PEX3: variants seen among roughly 807,000 people sequenced by gnomAD.
PEX3 encodes peroxisomal biogenesis factor 3, also known as peroxin-3.
In PEX3, 30 loss-of-function variants were observed where a neutral mutation model predicts 55.8. That is an observed-to-expected ratio of 0.54 (90% CI 0.40 to 0.73). The LOEUF is 0.73. PEX3 is among the 30% of genes least tolerant of loss of function. PEX3 has a pLI of 0.00. For synonymous variants in PEX3, 135 were observed against 148.4 expected, an observed-to-expected ratio of 0.91 and a Z score of 0.66; for missense variants, 351 against 432.8, an observed-to-expected ratio of 0.81 and a Z score of 1.68.
In PEX3 at chr6:143,451,229, C is replaced by A; in HGVS notation, c.73+114C>A. The A allele has an allele frequency of 2.5e-6, 2 of 814,178 alleles. No homozygotes were observed. The highest frequency in any genetic ancestry group is 1.4e-5 in the South Asian group (1 of 73,996). 50.4% of individuals were successfully genotyped at this position (814,178 alleles called of 1,614,324 possible). A position where few individuals can be genotyped will look rare whatever the true frequency, so the allele number is the denominator to read the frequency against. The stretch of plus-strand genomic sequence containing the variant: ...TAGTCTGGGATATGTAGAGGGAGTT[C>A]GATCAACCATGGGATGAAAAGGGAG... On this transcript the variant is annotated intron_variant, in intron 1 of 11. Coordinates refer to ENST00000367591, the MANE Select transcript of PEX3 (RefSeq NM_003630.3). The surrounding 1 kb of genome is among the most constrained non-coding windows in gnomAD (Gnocchi z 4.1).
chr6:143,469,943 A>C (rs1468275441), intron 4 of PEX3, among the ~76,000 whole-genome samples: 1 of 151,984 alleles, frequency 6.6e-6, no homozygotes, highest in East Asian at 1.9e-4. Context: ...TTCAGCTTTT[A>C]TACTTCCTTT....
rs537671831 is a variant in PEX3, at chr6:143,488,895, C to T, written c.1039-248C>T. On this transcript the variant is annotated intron_variant, in intron 11 of 11. Transcript: ENST00000367591. This position sits in a 1 kb window ranked among gnomAD's most constrained non-coding sequence, Gnocchi z 4.9. ...ACATACACCAAAATTCATTTGAAGACTATTTGGGGTTTTTGTCCCTCAAAG... is the reference window on the plus strand; with the variant it reads ...ACATACACCAAAATTCATTTGAAGATTATTTGGGGTTTTTGTCCCTCAAAG... Among the ~76,000 whole-genome samples the T allele has an allele frequency of 6.6e-6, 1 of 152,216 alleles. No individual in the cohort carries two copies. The highest frequency in any genetic ancestry group is 2.4e-5 in the African/African-American group (1 of 41,566).
rs995033164 is a variant in PEX3, at chr6:143,483,528, G to A, written c.942-1624G>A. 5.9e-5 allele frequency among the ~76,000 whole-genome samples: 9 copies of A among 152,216 alleles called. No individual in the cohort carries two copies. The South Asian group carries it at 1.2e-3, about 21-fold the overall frequency. On this transcript the variant is annotated intron_variant, in intron 10 of 11. Transcript: ENST00000367591. The surrounding 1 kb of genome is among the most constrained non-coding windows in gnomAD (Gnocchi z 4.3). ...ACATTTTAAGACTTATAAAGAGGCTGGCATGGTAGCTGAATACATAGAACA... is the reference window on the plus strand; with the variant it reads ...ACATTTTAAGACTTATAAAGAGGCTAGCATGGTAGCTGAATACATAGAACA...
intron 8 of PEX3, 135 bp from the exon 9 acceptor site, chr6:143,474,650 GA>G (rs1383855618): frequency 3.1e-6 from 2 of 653,974 alleles, no homozygotes; most frequent in African/African-American, 3.7e-5. Flanking sequence ...TTTGGTGGGG[GA>G]GGGTCTAACT....
intron 9 of PEX3, among the ~76,000 whole-genome samples, chr6:143,477,311 G>C (rs9403494): frequency 0.22 from 33,017 of 152,042 alleles, 3,701 homozygotes; most frequent in Non-Finnish European, 0.22. Context: ...AACTCCATGA[G>C]ACGAGTAATT....
At chr6:143,468,316 G>T (rs1347557136) in intron 4 of PEX3, 151 bp downstream of exon 4, 5 of 608,452 alleles carry the variant, frequency 8.2e-6, no homozygotes, top group Non-Finnish European at 1.5e-5. Context: ...ATAGATCAAT[G>T]TCTGGTCATA....
chr6:143,470,711 C>A (rs1023140403), intron 4 of PEX3, among the ~76,000 whole-genome samples: 32 of 152,164 alleles, frequency 2.1e-4, no homozygotes, highest in African/African-American at 6.8e-4. Context: ...CCTTTCTAAG[C>A]TAATAGTATA....
In PEX3 at chr6:143,462,565, A is replaced by G. The variant is rs986939019; in HGVS notation, c.206-351A>G. Among the ~76,000 whole-genome samples the G allele has an allele frequency of 6.6e-6, 1 of 152,338 alleles. No individual in the cohort carries two copies. The highest frequency in any genetic ancestry group is 6.5e-5 in the Admixed American group (1 of 15,296). ...TCAGAAGTAAACACTTTTGTAAAAA[A>G]TTTGGAGAGTATGGAAAAGAAAAAA... On this transcript the variant is annotated intron_variant, in intron 2 of 11. Coordinates refer to ENST00000367591, the MANE Select transcript of PEX3 (RefSeq NM_003630.3). This position sits in a 1 kb window ranked among gnomAD's most constrained non-coding sequence, Gnocchi z 4.1.
Position 143,485,238 on chromosome 6 carries a change from AT to A in PEX3, c.1032del (p.Phe344LeufsTer6). 6.4e-7 allele frequency: 1 copy of A among 1,565,282 alleles called. No individual in the cohort carries two copies. Among genetic ancestry groups the A allele is most frequent in the Non-Finnish European group, 8.8e-7 (1 of 1,135,850 alleles). ...IHSVCSETPS[H>X]FVQDLLTMEQ... ...TCAGTTTGCAGTGAAACACCTAGTC[AT>A]TTTGTTCAGGTAAGAAGAAAGCTTG... is the stretch of plus-strand genomic sequence containing the variant. On this transcript the variant is annotated frameshift_variant, in exon 11 of 12. Transcript: ENST00000367591. LOFTEE classifies it high-confidence loss of function. This position sits in a 1 kb window ranked among gnomAD's most constrained non-coding sequence, Gnocchi z 5.6.
Position 143,486,078 on chromosome 6 carries a change from G to A in PEX3, c.1038+830G>A, listed in dbSNP as rs766467383. Among the ~76,000 whole-genome samples the A allele has an allele frequency of 1.1e-4, 17 of 152,132 alleles. No individual in the cohort carries two copies. Among genetic ancestry groups the A allele is most frequent in the Non-Finnish European group, 1.5e-4 (10 of 67,970 alleles). On this transcript the variant is annotated intron_variant, in intron 11 of 11. Coordinates refer to ENST00000367591, the MANE Select transcript of PEX3 (RefSeq NM_003630.3). This position sits in a 1 kb window ranked among gnomAD's most constrained non-coding sequence, Gnocchi z 5.0. ...TGGAGAGCACTGAGACTAAGAGTTC[G>A]TTTCCTCCTTTCACTGTGGTGTCAT...
Position 143,485,741 on chromosome 6 carries a change from A to G in PEX3, c.1038+493A>G, listed in dbSNP as rs1196998525. Among the ~76,000 whole-genome samples, 1 of 152,160 alleles carries G rather than the reference A, an allele frequency of 6.6e-6. No individual in the cohort carries two copies. The highest frequency in any genetic ancestry group is 1.5e-5 in the Non-Finnish European group (1 of 68,010). ...ATTTAAATGTTTTATCAGACTACCT[A>G]TAACTCCATCTTATTTCTTCATTTC... On this transcript the variant is annotated intron_variant, in intron 11 of 11. Coordinates refer to ENST00000367591, the MANE Select transcript of PEX3 (RefSeq NM_003630.3). The surrounding 1 kb of genome is among the most constrained non-coding windows in gnomAD (Gnocchi z 5.6).
rs1779884656 is a variant in PEX3, at chr6:143,459,091, A to G, written c.80A>G (p.Tyr27Cys). 1 of 1,585,182 alleles carries G rather than the reference A, an allele frequency of 6.3e-7. No homozygotes were observed. The highest frequency in any genetic ancestry group is 2.2e-5 in the East Asian group (1 of 44,658). ...IFLGTVLGGV[Y>C]ILGKYGQKKI... ...ACTTTTTTAATGATTGTAGGAGTAT[A>G]TATTCTGGGGAAATATGGACAGAAG... The change falls in exon 2 of 12, where the codon TAT becomes TGT. Residue 27 changes from tyrosine to cysteine, a missense_variant. Coordinates refer to ENST00000367591, the MANE Select transcript of PEX3 (RefSeq NM_003630.3). The surrounding 1 kb of genome is among the most constrained non-coding windows in gnomAD (Gnocchi z 4.2).
At chr6:143,473,546 G>A (rs1780104521) in intron 8 of PEX3, among the ~76,000 whole-genome samples, 2 of 152,208 alleles carry the variant, frequency 1.3e-5, no homozygotes, top group South Asian at 4.1e-4. Flanking sequence ...AGGACACATA[G>A]AGTCTCAGAC....
chr6:143,482,440 A>G lies in PEX3; in HGVS notation c.942-2712A>G, dbSNP rs1179757689. Among the ~76,000 whole-genome samples, 3 of 152,084 alleles carry G rather than the reference A, an allele frequency of 2.0e-5. No homozygotes were observed. The highest frequency in any genetic ancestry group is 7.2e-5 in the African/African-American group (3 of 41,432). On this transcript the variant is annotated intron_variant, in intron 10 of 11. Transcript: ENST00000367591. The surrounding 1 kb of genome is among the most constrained non-coding windows in gnomAD (Gnocchi z 5.5). Reference sequence around the variant, plus strand: ...AAAAGTGTAAAATTAGCCTTCCAAAATTAATCTAAAATATAATCAAAATAT... The same window carrying G: ...AAAAGTGTAAAATTAGCCTTCCAAAGTTAATCTAAAATATAATCAAAATAT...
Position 143,482,854 on chromosome 6 carries a change from A to G in PEX3, c.942-2298A>G, listed in dbSNP as rs969392596. 4.6e-5 allele frequency among the ~76,000 whole-genome samples: 7 copies of G among 152,100 alleles called. No individual in the cohort carries two copies. The highest frequency in any genetic ancestry group is 1.0e-4 in the Non-Finnish European group (7 of 67,978). On this transcript the variant is annotated intron_variant, in intron 10 of 11. Transcript: ENST00000367591. This position sits in a 1 kb window ranked among gnomAD's most constrained non-coding sequence, Gnocchi z 5.5. ...CAAATATACTGATCGAAAACAGGTG[A>G]CTATGTGACCTCAAGATGGAGAAGG...
At chr6:143,474,738 C>T (rs1033431378) in intron 8 of PEX3, 48 bp from the exon 9 acceptor site, 1 of 911,202 alleles carries the variant, frequency 1.1e-6, no homozygotes, top group African/African-American at 1.6e-5. Flanking sequence ...TCATCATAAC[C>T]CTGTGCTAAT....
rs376162501 is a variant in PEX3 at position 143,475,633 on chromosome 6, A to G, written c.818+777A>G. On this transcript the variant is annotated intron_variant, in intron 9 of 11. Coordinates refer to ENST00000367591, the MANE Select transcript of PEX3 (RefSeq NM_003630.3). The surrounding 1 kb of genome is among the most constrained non-coding windows in gnomAD (Gnocchi z 4.4). ...TGCACCACTGTACTCCAGCCTGGGC[A>G]ACAGAGTAAGATCCTGTCTCAAACA... Among the ~76,000 whole-genome samples, 14 of 152,312 alleles carry G rather than the reference A, an allele frequency of 9.2e-5. No individual in the cohort carries two copies. The highest frequency in any genetic ancestry group is 3.1e-4 in the African/African-American group (13 of 41,564).
rs907934388 is a variant in PEX3, at chr6:143,450,972, G to C, written c.-71G>C. The C allele has an allele frequency of 7.9e-6, 9 of 1,140,848 alleles. No homozygotes were observed. The highest frequency in any genetic ancestry group is 4.6e-5 in the African/African-American group (3 of 65,922). The allele number at this position is 1,140,848 out of a possible 1,614,324, so 70.7% of individuals were successfully genotyped here. ...GCTCTTGCTGGGTCATCTGGGCCAG[G>C]TGACGAAGAAACAGTTTCCTGGTGA... is the stretch of plus-strand genomic sequence containing the variant. On this transcript the variant is annotated 5_prime_UTR_variant, in exon 1 of 12. Coordinates refer to ENST00000367591, the MANE Select transcript of PEX3 (RefSeq NM_003630.3).
Position 143,476,455 on chromosome 6 carries a change from T to C in PEX3, c.818+1599T>C, listed in dbSNP as rs1329846874. ...GTGTTTATAAAAGATCTCATTGCTC[T>C]ATGGTAAGCTGACTATAAAGAGATA... On this transcript the variant is annotated intron_variant, in intron 9 of 11. Transcript: ENST00000367591. The surrounding 1 kb of genome is among the most constrained non-coding windows in gnomAD (Gnocchi z 5.4). Among the ~76,000 whole-genome samples the C allele has an allele frequency of 6.6e-6, 1 of 152,242 alleles. No homozygotes were observed. The highest frequency in any genetic ancestry group is 1.9e-4 in the East Asian group (1 of 5,202).
Sources: gnomAD v4.1 joint callset for allele counts (sites outside exome capture counted in the v4.1 genomes callset) on GRCh38, gnomAD v4.1.1 for gene constraint, Gnocchi (gnomAD v3.1) non-coding constraint, MANE v1.5 for transcripts, NCBI Gene and HGNC (gene_info 2026-07-23, HGNC 2026-07-21) for gene names.